Variants in ZFYVE16 observed in about 807,000 individuals in gnomAD.
ZFYVE16 encodes the protein zinc finger FYVE domain-containing protein 16.
In ZFYVE16, 89 loss-of-function variants were observed where a neutral mutation model predicts 138.1. The observed-to-expected ratio is 0.64, with a 90% confidence interval of 0.54 to 0.77. The LOEUF is 0.77. Among genes scored for constraint, ZFYVE16 ranks in the 30% least tolerant of loss-of-function variants. The pLI is 0.00. For synonymous variants in ZFYVE16, 596 were observed against 618.3 expected (o/e 0.96, Z 0.53); for missense variants, 1,793 against 1,786.7 (o/e 1.00, Z -0.06).
chr5:80,442,065 A>G, intron 5 of ZFYVE16: 2 of 421,086 alleles, frequency 4.7e-6, no homozygotes, highest in Non-Finnish European at 6.4e-6. Context: ...AAATTTAAAA[A>G]GTGTAAGAGT....
At chr5:80,461,117 G>A (rs562509998) in intron 15 of ZFYVE16, among the ~76,000 whole-genome samples, 8 of 152,194 alleles carry the variant, frequency 5.3e-5, no homozygotes, top group South Asian at 4.1e-4. Flanking sequence ...CTCTTTGAGC[G>A]CCGACATGAC....
intron 5 of ZFYVE16, chr5:80,440,967 T>C: frequency 1.0e-6 from 1 of 985,422 alleles, no homozygotes; most frequent in Non-Finnish European, 1.2e-6. Flanking sequence ...TAAGCTGCTT[T>C]TCTCCCTGCT....
Position 80,470,103 on chromosome 5 carries a change from T to A in ZFYVE16, c.4025-2658T>A, listed in dbSNP as rs111502113. On this transcript the variant is annotated intron_variant, in intron 15 of 18. Coordinates refer to ENST00000505560, the MANE Select transcript of ZFYVE16 (RefSeq NM_001284236.3). ...TGTGTGTGTGTGTGTGTGTGTGTAT[T>A]TTTTTTTTTTTTTTTTGAGACAGAG... Among the ~76,000 whole-genome samples the A allele has an allele frequency of 5.9e-3, 170 of 28,698 alleles. 8 individuals carry two copies. The highest frequency in any genetic ancestry group is 0.01 in the Admixed American group (20 of 1,960). 18.8% of individuals were successfully genotyped at this position (28,698 alleles called of 152,430 possible). A position where few individuals can be genotyped will look rare whatever the true frequency, so the allele number is the denominator to read the frequency against.
intron 18 of ZFYVE16, among the ~76,000 whole-genome samples, chr5:80,476,409 G>A (rs1464279708): frequency 6.6e-6 from 1 of 151,946 alleles, no homozygotes; most frequent in African/African-American, 2.4e-5. Context: ...CAGTTCTCCT[G>A]CCTTGGCCTC....
intron 2 of ZFYVE16, among the ~76,000 whole-genome samples, chr5:80,427,814 G>A (rs148191694): frequency 6.7e-5 from 10 of 150,342 alleles, no homozygotes; most frequent in African/African-American, 2.4e-4. Context: ...TCTAAAAAAG[G>A]TTCAAAAGTT....
In ZFYVE16 at chr5:80,483,255, T is replaced by A. The variant is rs1290158967; in HGVS notation, c.*5878T>A. On this transcript the variant is annotated 3_prime_UTR_variant, in exon 19 of 19. Coordinates refer to ENST00000505560, the MANE Select transcript of ZFYVE16 (RefSeq NM_001284236.3). ...TAACAGAAATGGTAAAGGAAGTTCATGGGGAAGGAAAATGATTGCAAAGAA... is the reference window on the plus strand; with the variant it reads ...TAACAGAAATGGTAAAGGAAGTTCAAGGGGAAGGAAAATGATTGCAAAGAA... 6.6e-6 allele frequency: 1 copy of A among 152,164 alleles called. No homozygotes were observed. Among genetic ancestry groups the A allele is most frequent in the Non-Finnish European group, 1.5e-5 (1 of 68,028 alleles). The allele number at this position is 152,164 out of a possible 1,614,324, so 9.4% of individuals were successfully genotyped here.
Position 80,470,043 on chromosome 5 carries a change from A to G in ZFYVE16, c.4025-2718A>G, listed in dbSNP as rs369865201. Among the ~76,000 whole-genome samples the G allele has an allele frequency of 5.5e-5, 8 of 144,822 alleles. No individual in the cohort carries two copies. In the East Asian group the frequency reaches 6.2e-4, roughly 11 times the overall value. On this transcript the variant is annotated intron_variant, in intron 15 of 18. Coordinates refer to ENST00000505560, the MANE Select transcript of ZFYVE16 (RefSeq NM_001284236.3). ...TATACATATATATGTGTGTATATATATGTGTGTGTGTGTATATATACGTGT... is the reference window on the plus strand; with the variant it reads ...TATACATATATATGTGTGTATATATGTGTGTGTGTGTGTATATATACGTGT...
chr5:80,445,306 T>G lies in ZFYVE16; in HGVS notation c.2625T>G (p.Gly875=). The G allele has an allele frequency of 5.6e-6, 9 of 1,614,038 alleles. No individual in the cohort carries two copies. Among genetic ancestry groups the G allele is most frequent in the Non-Finnish European group, 7.6e-6 (9 of 1,179,956 alleles). Residue 875 remains glycine, a synonymous_variant, in exon 7 of 19, where the codon GGT becomes GGG. Coordinates refer to ENST00000505560, the MANE Select transcript of ZFYVE16 (RefSeq NM_001284236.3). ...AGAAGAGAGTATGGTTTGCAGATGG[T>G]ATATTGCCCAATGGTGAAGTTGCAG... ...KEQKRVWFAD[G]ILPNGEVADT... is the part of the protein sequence containing the mutation.
chr5:80,477,215 C>A lies in ZFYVE16; in HGVS notation c.4462-4C>A. The A allele has an allele frequency of 6.4e-7, 1 of 1,571,110 alleles. No homozygotes were observed. The highest frequency in any genetic ancestry group is 2.3e-5 in the East Asian group (1 of 43,266). On this transcript the variant is annotated splice_region_variant and splice_polypyrimidine_tract_variant and intron_variant, in intron 18 of 18. Transcript: ENST00000505560. ...TTCTTATCAAGAATTTTTTTTTTTT[C>A]TAGGTTGAATTTCAGGCAGGATCTG... is the stretch of plus-strand genomic sequence containing the variant.
At position 80,474,963 on chromosome 5, in the gene ZFYVE16, ATATATTATCTG is replaced by A. The variant is rs1225972459; in HGVS notation, c.4461+137_4461+147del. The A allele has an allele frequency of 6.3e-6, 6 of 946,782 alleles. No homozygotes were observed. The East Asian group carries it at 1.3e-4, about 21-fold the overall frequency. 58.6% of individuals were successfully genotyped at this position (946,782 alleles called of 1,614,324 possible). A position where few individuals can be genotyped will look rare whatever the true frequency, so the allele number is the denominator to read the frequency against. ...ATCAAATGTGTGCTACACACTTCAC[ATATATTATCTG>A]TATTAGTCTCCACAACAGGGGTCAG... is the stretch of plus-strand genomic sequence containing the variant. On this transcript the variant is annotated intron_variant, in intron 18 of 18. Transcript: ENST00000505560.
Position 80,456,455 on chromosome 5 carries a change from A to G in ZFYVE16, c.3691-6A>G. On this transcript the variant is annotated splice_polypyrimidine_tract_variant and splice_region_variant and intron_variant, in intron 12 of 18. Transcript: ENST00000505560. ...TAGTTTATGGTAATGCAATTATTCT[A>G]TGTAGGACCTTCGAAATTACCAGTA... is the stretch of plus-strand genomic sequence containing the variant. The G allele has an allele frequency of 1.3e-6, 2 of 1,598,730 alleles. No individual in the cohort carries two copies. The highest frequency in any genetic ancestry group is 8.6e-7 in the Non-Finnish European group (1 of 1,167,438).
At chr5:80,409,995 A>T (rs778556998) in intron 1 of ZFYVE16, 10 of 152,044 alleles carry the variant, frequency 6.6e-5, no homozygotes, top group Non-Finnish European at 1.5e-4. Context: ...TGTTAAACAC[A>T]TTACTTTTGA....
At chr5:80,443,637 A>G (rs149871046) in intron 6 of ZFYVE16, among the ~76,000 whole-genome samples, 21 of 152,348 alleles carry the variant, frequency 1.4e-4, no homozygotes, top group Non-Finnish European at 2.6e-4. Context: ...GTTGGTACTC[A>G]GATGACTAAA....
chr5:80,456,678 C>A, intron 13 of ZFYVE16, 113 bp downstream of exon 13: 1 of 936,286 alleles, frequency 1.1e-6, no homozygotes, highest in Non-Finnish European at 1.6e-6. Flanking sequence ...ATTATGGCAA[C>A]AAACATTGTT....
chr5:80,439,767 C>A (rs1374746121), intron 4 of ZFYVE16, among the ~76,000 whole-genome samples, 169 bp from the exon 5 acceptor site: 3 of 150,818 alleles, frequency 2.0e-5, no homozygotes, highest in South Asian at 2.1e-4. Flanking sequence ...ATTTAAGTTA[C>A]AAAAAAAAGA....
intron 15 of ZFYVE16, among the ~76,000 whole-genome samples, chr5:80,465,396 C>CTTTTTTTTTTTTTTTT (rs1187412933): frequency 1.3e-3 from 35 of 26,374 alleles, no homozygotes; most frequent in Non-Finnish European, 2.9e-3. Context: ...TTTTCCTTTT[C>CTTTTTTTTTTTTTTTT]TTTGTTTTTT....
intron 14 of ZFYVE16, among the ~76,000 whole-genome samples, chr5:80,458,283 T>C (rs982963051): frequency 1.3e-5 from 2 of 152,116 alleles, no homozygotes; most frequent in Admixed American, 6.6e-5. Flanking sequence ...TAAAAAGTTA[T>C]TAATATTTAT....
At chr5:80,449,530 C>T in intron 8 of ZFYVE16, 61 bp from the exon 9 acceptor site, 8 of 1,522,626 alleles carry the variant, frequency 5.3e-6, no homozygotes, top group South Asian at 5.0e-5. Flanking sequence ...TTGTTTTTTT[C>T]ATTTGTAAGC....
In ZFYVE16 at chr5:80,473,738, A is replaced by G. The variant is rs1391365446; in HGVS notation, c.4188-16A>G. 6 of 1,550,986 alleles carry G rather than the reference A, an allele frequency of 3.9e-6. No individual in the cohort carries two copies. The highest frequency in any genetic ancestry group is 5.3e-6 in the Non-Finnish European group (6 of 1,130,568). On this transcript the variant is annotated splice_polypyrimidine_tract_variant and intron_variant, in intron 16 of 18. Transcript: ENST00000505560. ...TTGGTGCTAATAATTCTATTGTATT[A>G]TGTTTTATTTCATAGAGTTATCAGT...
Sources: gnomAD v4.1 joint callset for allele counts (sites outside exome capture counted in the v4.1 genomes callset) on GRCh38, gnomAD v4.1.1 for gene constraint, MANE v1.5 for transcripts, NCBI Gene and HGNC (gene_info 2026-07-23, HGNC 2026-07-21) for gene names.